The following CCDC141 variants were observed in gnomAD, a reference collection of about 807,000 sequenced individuals.
CCDC141 encodes coiled-coil domain containing 141.
In CCDC141, 168 loss-of-function variants were observed where a neutral mutation model predicts 181.0. The ratio of observed to expected loss-of-function variants is 0.93; its 90% CI spans 0.82 to 1.05. CCDC141 has a LOEUF of 1.05. Ranked by LOEUF, CCDC141 falls within the 50% of genes least tolerant of loss-of-function variation. The probability of loss-of-function intolerance (pLI) is 0.00; values close to 1 mark genes in which losing one functional copy is unlikely to be tolerated. For synonymous variants in CCDC141, 666 were observed against 642.3 expected (o/e 1.04, Z -0.56); for missense variants, 1,902 against 1,788.5 (o/e 1.06, Z -1.14).
chr2:179,042,473 A>C (rs892815169), intron 2 of CCDC141, among the ~76,000 whole-genome samples: 27 of 152,046 alleles, frequency 1.8e-4, no homozygotes, highest in African/African-American at 6.3e-4. Flanking sequence ...TCAGCTTCCC[A>C]AGTAGCTGGG....
At chr2:178,819,212 C>T in the CCDC141 span, among the ~76,000 whole-genome samples, 2 of 152,168 alleles carry the variant, frequency 1.3e-5, no homozygotes, top group Admixed American at 1.3e-4. Context: ...TGATAACCTA[C>T]ACAACTTTTT....
chr2:178,838,214 A>G (rs1198572604), intron 22 of CCDC141, among the ~76,000 whole-genome samples: 1 of 152,206 alleles, frequency 6.6e-6, no homozygotes, highest in African/African-American at 2.4e-5. Flanking sequence ...CTCTCAAGAA[A>G]ACCATTTCTT....
At chr2:178,955,974 C>T (rs541999171) in intron 5 of CCDC141, among the ~76,000 whole-genome samples, 19 of 152,318 alleles carry the variant, frequency 1.2e-4, no homozygotes, top group African/African-American at 4.3e-4. Context: ...AGGAGTGGAT[C>T]AGTATGTAAT....
chr2:178,884,961 G>T lies in CCDC141; in HGVS notation c.1659C>A (p.Ser553Arg). The stretch of plus-strand genomic sequence containing the variant: ...GCAGGACTTGCGATCTATAGTCAAT[G>T]CTTTGGCCAAATAGGTTTAATTCTT... Reference protein sequence around the residue: ...LAEELNLFGQSIDYRSQVLQT... With the variant: ...LAEELNLFGQRIDYRSQVLQT... Residue 553 changes from serine to arginine, a missense_variant, in exon 11 of 24, where the codon AGC (serine) becomes AGA (arginine). Coordinates refer to ENST00000443758, the MANE Select transcript of CCDC141 (RefSeq NM_173648.4). 6.4e-7 allele frequency: 1 copy of T among 1,550,468 alleles called. No homozygotes were observed. Among genetic ancestry groups the T allele is most frequent in the East Asian group, 2.4e-5 (1 of 40,926 alleles).
chr2:178,929,468 T>A (rs577203741), intron 6 of CCDC141, among the ~76,000 whole-genome samples: 25 of 152,272 alleles, frequency 1.6e-4, no homozygotes, highest in African/African-American at 5.1e-4. Context: ...CATACCTCTT[T>A]AACTACCCAC....
At chr2:178,840,561 G>T (rs1430262449) in intron 22 of CCDC141, among the ~76,000 whole-genome samples, 4 of 152,128 alleles carry the variant, frequency 2.6e-5, no homozygotes, top group Admixed American at 1.3e-4. Context: ...CTCACTTTTG[G>T]ATTTGCCTTT....
intron 21 of CCDC141, among the ~76,000 whole-genome samples, chr2:178,847,047 A>C (rs1044226063): frequency 2.0e-5 from 3 of 152,172 alleles, no homozygotes; most frequent in Non-Finnish European, 1.5e-5. Flanking sequence ...ATTCTTTGGG[A>C]AGCGTTTGTT....
intron 8 of CCDC141, among the ~76,000 whole-genome samples, chr2:178,903,825 CA>C (rs1289419947): frequency 6.6e-6 from 1 of 151,238 alleles, no homozygotes; most frequent in African/African-American, 2.4e-5. Context: ...ATGCCGCAAG[CA>C]AAGAGTAGCC....
At position 178,878,119 on chromosome 2, in the gene CCDC141, T is replaced by G; in HGVS notation, c.1744A>C (p.Lys582Gln). ...EEVEMQFQSLKEFYETEIPQK... is the reference protein window; with the variant it reads ...EEVEMQFQSLQEFYETEIPQK... ...GGGATTTCGGTTTCATAAAATTCTTTTAAGCTCTGAAACTGCATCTCTACC... is the reference window on the plus strand; with the variant it reads ...GGGATTTCGGTTTCATAAAATTCTTGTAAGCTCTGAAACTGCATCTCTACC... Residue 582 changes from lysine (K) to glutamine (Q), a missense_variant, in exon 12 of 24, where the codon AAA becomes CAA. Lys to Gln is a moderately conservative substitution (Grantham distance 53, BLOSUM62 1). Coordinates refer to ENST00000443758, the MANE Select transcript of CCDC141 (RefSeq NM_173648.4). The G allele has an allele frequency of 6.2e-7, 1 of 1,606,076 alleles. No homozygotes were observed. The highest frequency in any genetic ancestry group is 8.5e-7 in the Non-Finnish European group (1 of 1,178,248).
At position 178,837,357 on chromosome 2, in the gene CCDC141, CAAAATGACTTG is replaced by C; in HGVS notation, c.3851_3861del (p.Ser1284Ter). The stretch of plus-strand genomic sequence containing the variant: ...GCTTTGAACTGGAGGTAAGGCCTCT[CAAAATGACTTG>C]AAAATGTTTCTCTCTTATCATTGCA... On this transcript the variant is annotated frameshift_variant, in exon 23 of 24. Transcript: ENST00000443758. LOFTEE classifies it high-confidence loss of function. 6.2e-7 allele frequency: 1 copy of C among 1,614,088 alleles called. No individual in the cohort carries two copies. The highest frequency in any genetic ancestry group is 8.5e-7 in the Non-Finnish European group (1 of 1,179,986).
intron 2 of CCDC141, among the ~76,000 whole-genome samples, chr2:179,042,660 T>A (rs1005709303): frequency 6.6e-6 from 1 of 152,166 alleles, no homozygotes; most frequent in Non-Finnish European, 1.5e-5. Flanking sequence ...AGAAGTTCTT[T>A]GAAACTAATG....
At chr2:178,837,832 A>T (rs1426029892) in intron 22 of CCDC141, 88 bp from the exon 23 acceptor site, 4 of 1,403,806 alleles carry the variant, frequency 2.8e-6, no homozygotes, top group Non-Finnish European at 3.7e-6. Flanking sequence ...TCAGAGAGAT[A>T]ACTCGAGACA....
At chr2:178,947,808 G>C (rs1335139737) in intron 5 of CCDC141, among the ~76,000 whole-genome samples, 1 of 152,162 alleles carries the variant, frequency 6.6e-6, no homozygotes, top group African/African-American at 2.4e-5. Context: ...TCTTGTACTT[G>C]GAAAGTGACT....
intron 2 of CCDC141, among the ~76,000 whole-genome samples, chr2:179,018,467 T>G (rs1469772810): frequency 6.6e-6 from 1 of 152,208 alleles, no homozygotes; most frequent in Non-Finnish European, 1.5e-5. Flanking sequence ...TAAGTTCTAT[T>G]ATTTTTTCAG....
chr2:178,939,963 A>G (rs1390166601), intron 6 of CCDC141, among the ~76,000 whole-genome samples: 3 of 152,210 alleles, frequency 2.0e-5, no homozygotes, highest in Non-Finnish European at 4.4e-5. Flanking sequence ...GACCACAAGC[A>G]ACACTGAAAT....
In CCDC141 at chr2:178,892,706, C is replaced by T. The variant is rs555495860; in HGVS notation, c.1266-4038G>A. ...GTCTGATCAAAAGAAAGGTATGACCCCACTCTTTGCCAGCAATTCTTACAT... is the reference window on the plus strand; with the variant it reads ...GTCTGATCAAAAGAAAGGTATGACCTCACTCTTTGCCAGCAATTCTTACAT... On this transcript the variant is annotated intron_variant, in intron 8 of 23. Coordinates refer to ENST00000443758, the MANE Select transcript of CCDC141 (RefSeq NM_173648.4). 3.3e-5 allele frequency among the ~76,000 whole-genome samples: 5 copies of T among 152,204 alleles called. No individual in the cohort carries two copies. The South Asian group carries it at 1.0e-3, about 32-fold the overall frequency.
intron 6 of CCDC141, among the ~76,000 whole-genome samples, chr2:178,944,093 T>C (rs982319772): frequency 6.6e-6 from 1 of 152,240 alleles, no homozygotes; most frequent in African/African-American, 2.4e-5. Flanking sequence ...AGCTTGGGCC[T>C]TTGTATTAGA....
chr2:178,855,211 AG>A (rs1157028883), intron 19 of CCDC141, 135 bp downstream of exon 19: 12 of 685,886 alleles, frequency 1.7e-5, no homozygotes, highest in Non-Finnish European at 2.9e-5. Flanking sequence ...AATTATCCTA[AG>A]GAAAAAAAAT....
downstream of CCDC141, chr2:178,825,265 A>G (rs1381803294): frequency 6.6e-6 from 1 of 152,202 alleles, no homozygotes; most frequent in Non-Finnish European, 1.5e-5. Flanking sequence ...AATCTTAGAA[A>G]TAATACTAGC....
Sources: gnomAD v4.1 joint callset for allele counts (sites outside exome capture counted in the v4.1 genomes callset) on GRCh38, gnomAD v4.1.1 for gene constraint, MANE v1.5 for transcripts, NCBI Gene and HGNC (gene_info 2026-07-23, HGNC 2026-07-21) for gene names.